The following TRAK1 variants were observed in gnomAD, a reference collection of about 807,000 sequenced individuals.
TRAK1 encodes trafficking kinesin protein 1, also known as trafficking kinesin-binding protein 1.
Under a neutral mutation model 92.1 loss-of-function variants are expected in TRAK1, and 33 were observed. The ratio of observed to expected loss-of-function variants is 0.36; its 90% CI spans 0.27 to 0.48. The LOEUF (loss-of-function observed/expected upper bound fraction) is 0.48. Ranked by LOEUF, TRAK1 falls within the 20% of genes least tolerant of loss-of-function variation. TRAK1 has a pLI of 0.99. For missense variants in TRAK1, 1,123 were observed against 1,257.9 expected (o/e 0.89, Z 1.62); for synonymous variants, 521 against 517.3 (o/e 1.01, Z -0.10).
At chr3:42,056,621 AG>A (rs1253807501) in intron 1 of TRAK1, among the ~76,000 whole-genome samples, 1 of 152,230 alleles carries the variant, frequency 6.6e-6, no homozygotes, top group Non-Finnish European at 1.5e-5. Context: ...GAGAATTATT[AG>A]AAATTTTGAA....
chr3:42,184,810 T>C lies in TRAK1; in HGVS notation c.480+9T>C, dbSNP rs775031153. The C allele has an allele frequency of 1.6e-5, 26 of 1,612,060 alleles. No individual in the cohort carries two copies. The Middle Eastern group carries it at 5.5e-4, about 34-fold the overall frequency. On this transcript the variant is annotated intron_variant, in intron 4 of 15. Coordinates refer to ENST00000327628, the MANE Select transcript of TRAK1 (RefSeq NM_001042646.3). Reference sequence around the variant, plus strand: ...AACACATCAGGGAGGAGGTAAGACATTGGAGGCCGAGGCTTCCAGAGGGGC... The same window carrying C: ...AACACATCAGGGAGGAGGTAAGACACTGGAGGCCGAGGCTTCCAGAGGGGC...
chr3:42,034,153 C>G (rs1007995756), intron 1 of TRAK1, among the ~76,000 whole-genome samples: 1 of 152,234 alleles, frequency 6.6e-6, no homozygotes, highest in Non-Finnish European at 1.5e-5. Flanking sequence ...ATTCTTTCAT[C>G]AGTGAGCACC....
At chr3:42,034,895 C>G (rs1419073191) in intron 1 of TRAK1, among the ~76,000 whole-genome samples, 1 of 152,090 alleles carries the variant, frequency 6.6e-6, no homozygotes, top group Non-Finnish European at 1.5e-5. Flanking sequence ...ATTAGCCCCT[C>G]TCTGTCTCTT....
chr3:42,017,004 A>G (rs1701551790), intron 1 of TRAK1, among the ~76,000 whole-genome samples: 1 of 152,182 alleles, frequency 6.6e-6, no homozygotes, highest in Admixed American at 6.5e-5. Flanking sequence ...TCACACCTGT[A>G]ATCCTAGCAC....
In TRAK1 at chr3:42,146,861, G is replaced by T. The variant is rs192187064; in HGVS notation, c.286+21247G>T. Among the ~76,000 whole-genome samples, 319 of 152,264 alleles carry T rather than the reference G, an allele frequency of 2.1e-3. 2 individuals carry two copies. Among genetic ancestry groups the T allele is most frequent in the Non-Finnish European group, 3.1e-3 (210 of 68,014 alleles). On this transcript the variant is annotated intron_variant, in intron 2 of 15. Transcript: ENST00000327628. ...ATGAGCCAATGCAACCAGCCCTCTG[G>T]TTCCTTTATTAAATCATTTTGCAAA...
chr3:42,086,806 C>T (rs183142924), upstream of TRAK1, among the ~76,000 whole-genome samples: 152 of 152,212 alleles, frequency 1.0e-3, no homozygotes, highest in Non-Finnish European at 1.7e-3. Context: ...TGTAGGAATA[C>T]AGGTTTTAGC....
chr3:42,161,480 G>T (rs540560102), intron 2 of TRAK1, among the ~76,000 whole-genome samples: 1 of 151,742 alleles, frequency 6.6e-6, no homozygotes. Context: ...GGGCTCAAGC[G>T]ATCCTCCCAC....
At chr3:42,210,664 T>G in intron 14 of TRAK1, 1 of 996,052 alleles carries the variant, frequency 1.0e-6, no homozygotes. Context: ...CCTTTTCACT[T>G]TCCCAGCTTC....
chr3:42,133,440 G>A (rs1415459435), intron 2 of TRAK1, among the ~76,000 whole-genome samples: 7 of 151,964 alleles, frequency 4.6e-5, no homozygotes, highest in Non-Finnish European at 8.8e-5. Context: ...GGCTGGCCTC[G>A]AACTCCTGGG....
At chr3:42,146,240 C>G (rs1699309238) in intron 2 of TRAK1, 1 of 303,936 alleles carries the variant, frequency 3.3e-6, no homozygotes, top group African/African-American at 2.2e-5. Context: ...AGCTGATGTC[C>G]TTGTTCTTGA....
At chr3:42,030,475 C>A (rs1559709611) in intron 1 of TRAK1, among the ~76,000 whole-genome samples, 2 of 149,946 alleles carry the variant, frequency 1.3e-5, no homozygotes. Context: ...GAGTTCAAGA[C>A]CAGCCTGCCC....
chr3:42,126,240 T>G (rs1343004762), intron 2 of TRAK1, among the ~76,000 whole-genome samples: 1 of 152,020 alleles, frequency 6.6e-6, no homozygotes, highest in Non-Finnish European at 1.5e-5. Context: ...ACTGGGAAGG[T>G]GTTTGTCTAA....
intron 10 of TRAK1, among the ~76,000 whole-genome samples, 173 bp from the exon 11 acceptor site, chr3:42,199,004 C>A (rs934451968): frequency 6.6e-6 from 1 of 152,184 alleles, no homozygotes; most frequent in Admixed American, 6.5e-5. Flanking sequence ...TGGGAAACTG[C>A]TCAGCCAGGG....
At chr3:42,041,439 G>A (rs2148902196) in intron 1 of TRAK1, among the ~76,000 whole-genome samples, 1 of 152,140 alleles carries the variant, frequency 6.6e-6, no homozygotes, top group Non-Finnish European at 1.5e-5. Context: ...ATAAAAATAC[G>A]ACTGATTTGG....
intron 1 of TRAK1, among the ~76,000 whole-genome samples, chr3:42,061,686 T>C (rs1418274672): frequency 6.6e-6 from 1 of 152,180 alleles, no homozygotes; most frequent in Non-Finnish European, 1.5e-5. Flanking sequence ...AATGTTCACT[T>C]TGGCTTGTGT....
chr3:42,114,031 T>C (rs1282868893), intron 1 of TRAK1, among the ~76,000 whole-genome samples: 3 of 152,192 alleles, frequency 2.0e-5, no homozygotes, highest in African/African-American at 7.2e-5. Flanking sequence ...CTGCTTTCTG[T>C]CTCTGTGGAC....
At chr3:42,096,785 G>A (rs986426682) in intron 1 of TRAK1, among the ~76,000 whole-genome samples, 1 of 152,224 alleles carries the variant, frequency 6.6e-6, no homozygotes, top group Admixed American at 6.5e-5. Flanking sequence ...AACCACTGCA[G>A]CAGCCCCCAT....
intron 1 of TRAK1, among the ~76,000 whole-genome samples, chr3:42,108,254 G>C (rs1707861584): frequency 6.6e-6 from 1 of 152,028 alleles, no homozygotes; most frequent in Non-Finnish European, 1.5e-5. Context: ...ACTTTGGGAG[G>C]CCAAGTGAAG....
intron 1 of TRAK1, among the ~76,000 whole-genome samples, chr3:42,072,138 G>C (rs964534252): frequency 6.6e-6 from 1 of 152,184 alleles, no homozygotes; most frequent in African/African-American, 2.4e-5. Flanking sequence ...TAAGCGTCCG[G>C]AGGCCACTAT....
Sources: gnomAD v4.1 joint callset for allele counts (sites outside exome capture counted in the v4.1 genomes callset) on GRCh38, gnomAD v4.1.1 for gene constraint, MANE v1.5 for transcripts, NCBI Gene and HGNC (gene_info 2026-07-23, HGNC 2026-07-21) for gene names.